The following ALK variants were observed in gnomAD, a reference collection of about 807,000 sequenced individuals.
The protein encoded by ALK is ALK receptor tyrosine kinase, also known as ALK tyrosine kinase receptor.
A neutral mutation model predicts 163.1 loss-of-function variants in ALK; 74 were observed. That is an observed-to-expected ratio of 0.45 (90% CI 0.38 to 0.55). The LOEUF is 0.55. Among genes scored for constraint, ALK ranks in the 20% least tolerant of loss-of-function variants. The pLI, the probability that ALK is intolerant of heterozygous loss-of-function variation, is 0.00. For synonymous variants in ALK, 960 were observed against 843.2 expected (o/e 1.14, Z -2.40); for missense variants, 2,063 against 2,105.3 (o/e 0.98, Z 0.39).
At chr2:29,311,285 G>A (rs1666687512) in intron 8 of ALK, among the ~76,000 whole-genome samples, 1 of 152,212 alleles carries the variant, frequency 6.6e-6, no homozygotes, top group African/African-American at 2.4e-5. Flanking sequence ...TGACCTAGGG[G>A]ATGGAGTGAG....
chr2:29,370,977 A>G (rs1668624671), intron 5 of ALK, among the ~76,000 whole-genome samples: 1 of 152,256 alleles, frequency 6.6e-6, no homozygotes, highest in Non-Finnish European at 1.5e-5. Flanking sequence ...TTTTGTAGAT[A>G]CGAAATGCTG....
At chr2:29,624,138 T>C (rs1676121135) in intron 3 of ALK, among the ~76,000 whole-genome samples, 1 of 152,250 alleles carries the variant, frequency 6.6e-6, no homozygotes, top group Non-Finnish European at 1.5e-5. Context: ...TATGTGTTGA[T>C]GCCTTTCCTT....
intron 11 of ALK, among the ~76,000 whole-genome samples, chr2:29,264,757 CT>C (rs983977992): frequency 1.1e-4 from 16 of 152,182 alleles, no homozygotes; most frequent in African/African-American, 3.6e-4. Flanking sequence ...TGCTGGGACA[CT>C]TTTGGCCCTT....
intron 9 of ALK, among the ~76,000 whole-genome samples, chr2:29,288,679 G>C (rs775043008): frequency 6.6e-6 from 1 of 152,094 alleles, no homozygotes; most frequent in Non-Finnish European, 1.5e-5. Context: ...AACTGGGTGC[G>C]GTGGCTCATG....
intron 4 of ALK, among the ~76,000 whole-genome samples, chr2:29,403,094 G>A (rs546881707): frequency 3.3e-5 from 5 of 152,146 alleles, no homozygotes; most frequent in Non-Finnish European, 7.4e-5. Context: ...TGAATCATCA[G>A]CAGACCAGGC....
At chr2:29,743,408 G>A (rs1424405553) in intron 1 of ALK, among the ~76,000 whole-genome samples, 1 of 152,158 alleles carries the variant, frequency 6.6e-6, no homozygotes, top group African/African-American at 2.4e-5. Flanking sequence ...AGACAGAGTA[G>A]TACTCACCTT....
chr2:29,773,818 C>G (rs1049325975), intron 1 of ALK, among the ~76,000 whole-genome samples: 1 of 152,030 alleles, frequency 6.6e-6, no homozygotes, highest in African/African-American at 2.4e-5. Flanking sequence ...AATTTAGAAT[C>G]GTGAAGGGAA....
chr2:29,247,410 C>A (rs931418769), intron 12 of ALK, among the ~76,000 whole-genome samples: 2 of 152,254 alleles, frequency 1.3e-5, no homozygotes. Flanking sequence ...GACACACAGA[C>A]TGCATCAGCT....
chr2:29,281,675 C>T (rs1352336046), intron 9 of ALK, among the ~76,000 whole-genome samples: 4 of 152,184 alleles, frequency 2.6e-5, no homozygotes, highest in Non-Finnish European at 4.4e-5. Flanking sequence ...CGCCCTGACT[C>T]TTCTCATTCA....
intron 1 of ALK, among the ~76,000 whole-genome samples, chr2:29,831,070 G>GGGAGGAGGAGGAGGA (rs751792416): frequency 4.3e-5 from 1 of 23,524 alleles, no homozygotes; most frequent in Non-Finnish European, 7.4e-5. Context: ...GGGGAGGAAG[G>GGGAGGAGGAGGAGGA]GGAGGAGGAG....
intron 3 of ALK, among the ~76,000 whole-genome samples, chr2:29,680,329 T>A (rs957822633): frequency 2.0e-5 from 3 of 152,134 alleles, no homozygotes; most frequent in African/African-American, 7.2e-5. Flanking sequence ...TAACACTTCA[T>A]GTTGTCCCAG....
chr2:29,498,769 T>C (rs1052107160), intron 4 of ALK, among the ~76,000 whole-genome samples: 2 of 152,268 alleles, frequency 1.3e-5, no homozygotes, highest in Non-Finnish European at 2.9e-5. Flanking sequence ...AATGACATTA[T>C]TATTCAACCA....
At chr2:29,813,248 C>T (rs1228289067) in intron 1 of ALK, among the ~76,000 whole-genome samples, 1 of 152,168 alleles carries the variant, frequency 6.6e-6, no homozygotes, top group African/African-American at 2.4e-5. Context: ...CGCACTGTGC[C>T]AGGCACCAAA....
chr2:29,640,413 A>G (rs779071090), intron 3 of ALK, among the ~76,000 whole-genome samples: 1 of 152,010 alleles, frequency 6.6e-6, no homozygotes, highest in Non-Finnish European at 1.5e-5. Flanking sequence ...AAAGTGTGTG[A>G]CACCTACTTC....
intron 26 of ALK, among the ~76,000 whole-genome samples, chr2:29,201,754 T>A (rs1474032010): frequency 2.0e-5 from 3 of 148,592 alleles, no homozygotes; most frequent in Non-Finnish European, 4.4e-5. Context: ...GCCACTGTAC[T>A]CCAGCCGGGG....
chr2:29,829,922 G>C (rs1485423809), intron 1 of ALK, among the ~76,000 whole-genome samples: 1 of 152,196 alleles, frequency 6.6e-6, no homozygotes, highest in Non-Finnish European at 1.5e-5. Context: ...GAAGCTGTCA[G>C]CCTCTGGGTG....
chr2:29,664,925 C>A (rs1465795188), intron 3 of ALK, among the ~76,000 whole-genome samples: 1 of 152,096 alleles, frequency 6.6e-6, no homozygotes, highest in Non-Finnish European at 1.5e-5. Context: ...CTACATTGCC[C>A]TTTCATTTCC....
At chr2:29,248,307 C>G (rs991377587) in intron 12 of ALK, among the ~76,000 whole-genome samples, 2 of 152,122 alleles carry the variant, frequency 1.3e-5, no homozygotes, top group Non-Finnish European at 2.9e-5. Context: ...GAAACCCCGT[C>G]TCTACTAAAA....
At position 29,830,712 on chromosome 2, in the gene ALK, TTAAAAAAAAAAAAAAAAAAA is replaced by T. The variant is rs1399678167; in HGVS notation, c.667+89261_667+89280del. Among the ~76,000 whole-genome samples the T allele has an allele frequency of 1.1e-3, 73 of 63,520 alleles. 3 individuals are homozygous for T. Among genetic ancestry groups the T allele is most frequent in the Middle Eastern group, 0.013 (1 of 78 alleles). The allele number at this position is 63,520 out of a possible 152,430, so 41.7% of individuals were successfully genotyped here. A position where few individuals can be genotyped will look rare whatever the true frequency, so the allele number is the denominator to read the frequency against. On this transcript the variant is annotated intron_variant, in intron 1 of 28. Coordinates refer to ENST00000389048, the MANE Select transcript of ALK (RefSeq NM_004304.5). ...AGCAAGACCCTGTCTCTAAAATAGTTTAAAAAAAAAAAAAAAAAAAAAAAAAAAAAAAAAAAAAAAACTTA... is the reference window on the plus strand; with the variant it reads ...AGCAAGACCCTGTCTCTAAAATAGTTAAAAAAAAAAAAAAAAAAAAACTTA...
Sources: gnomAD v4.1 joint callset for allele counts (sites outside exome capture counted in the v4.1 genomes callset) on GRCh38, gnomAD v4.1.1 for gene constraint, MANE v1.5 for transcripts, NCBI Gene and HGNC (gene_info 2026-07-23, HGNC 2026-07-21) for gene names.